Variants in EFTUD2 observed in about 807,000 individuals in gnomAD.
EFTUD2 encodes the protein elongation factor Tu GTP binding domain containing 2.
A neutral mutation model predicts 114.3 loss-of-function variants in EFTUD2; 9 were observed. The observed-to-expected ratio is 0.08, with a 90% confidence interval of 0.05 to 0.14. The LOEUF (loss-of-function observed/expected upper bound fraction) is 0.14, where lower values mean the gene tolerates loss of function less well. Ranked by LOEUF, EFTUD2 falls within the 10% of genes least tolerant of loss-of-function variation. The pLI, the probability that EFTUD2 is intolerant of heterozygous loss-of-function variation, is 1.00. For missense variants in EFTUD2, 765 were observed against 1,241.2 expected (o/e 0.62, Z 5.76); for synonymous variants, 449 against 462.3 (o/e 0.97, Z 0.37).
intron 1 of EFTUD2, among the ~76,000 whole-genome samples, chr17:44,895,423 G>C (rs933318455): frequency 6.6e-5 from 10 of 151,868 alleles, no homozygotes; most frequent in South Asian, 2.1e-4. Context: ...TTGAACCCAG[G>C]GGGTGGAGGT....
chr17:44,895,467 G>A (rs1200403068), intron 1 of EFTUD2, among the ~76,000 whole-genome samples: 1 of 143,768 alleles, frequency 7.0e-6, no homozygotes, highest in Non-Finnish European at 1.5e-5. Context: ...CTGCACTCCA[G>A]CCTGGGAGAC....
chr17:44,872,602 A>G, intron 10 of EFTUD2, 32 bp from the exon 11 acceptor site: 1 of 1,572,212 alleles, frequency 6.4e-7, no homozygotes. Context: ...ACACAGTGCC[A>G]GGCTGCAGCA....
intron 7 of EFTUD2, 87 bp downstream of exon 7, chr17:44,881,600 A>G: frequency 7.1e-7 from 1 of 1,398,812 alleles, no homozygotes; most frequent in African/African-American, 1.4e-5. Context: ...CTAAAATGCT[A>G]TCATAAAGGC....
intron 16 of EFTUD2, among the ~76,000 whole-genome samples, chr17:44,861,211 T>G (rs1193980672): frequency 6.7e-6 from 1 of 150,344 alleles, no homozygotes. Flanking sequence ...GAGGCTGAGG[T>G]GGGTGGCTGG....
intron 16 of EFTUD2, among the ~76,000 whole-genome samples, chr17:44,860,952 A>G (rs1251705983): frequency 1.3e-5 from 2 of 152,194 alleles, no homozygotes; most frequent in Non-Finnish European, 2.9e-5. Context: ...AGGGGTGAGC[A>G]AAACAGATAC....
At chr17:44,894,319 G>A in intron 2 of EFTUD2, 98 bp downstream of exon 2, 1 of 994,832 alleles carries the variant, frequency 1.0e-6, no homozygotes, top group Non-Finnish European at 1.6e-6. Flanking sequence ...GCAGTGAGCT[G>A]AGATTGCGCC....
At chr17:44,858,947 AAGG>A (rs1483457545) in intron 19 of EFTUD2, 130 bp downstream of exon 19, 11 of 676,244 alleles carry the variant, frequency 1.6e-5, no homozygotes, top group Non-Finnish European at 2.9e-5. Flanking sequence ...CTTCCCATAT[AAGG>A]AGCAACAGAT....
intron 20 of EFTUD2, among the ~76,000 whole-genome samples, chr17:44,856,457 G>A (rs541222024): frequency 2.6e-5 from 4 of 151,394 alleles, no homozygotes; most frequent in Non-Finnish European, 4.4e-5. Flanking sequence ...TTGAACCTGG[G>A]AGGCAGGGGC....
intron 16 of EFTUD2, 26 bp from the exon 17 acceptor site, chr17:44,860,569 G>T: frequency 7.6e-6 from 10 of 1,319,506 alleles, no homozygotes; most frequent in Non-Finnish European, 1.1e-5. Context: ...ATAAGCAGCA[G>T]TGAAACTTAG....
Position 44,854,247 on chromosome 17 carries a change from G to C in EFTUD2, c.2347+22C>G. ...TGCAAGGACCCTCGAGGACTGGGGT[G>C]GGGGAGTGCTGGTGGACTTACATTC... On this transcript the variant is annotated intron_variant, in intron 23 of 27. Transcript: ENST00000426333. This position sits in a 1 kb window ranked among gnomAD's most constrained non-coding sequence, Gnocchi z 4.3. 1 of 1,603,388 alleles carries C rather than the reference G, an allele frequency of 6.2e-7. No homozygotes were observed. Among genetic ancestry groups the C allele is most frequent in the Non-Finnish European group, 8.5e-7 (1 of 1,173,852 alleles).
rs575620215 is a variant in EFTUD2 at position 44,870,036 on chromosome 17, C to A, written c.995-1686G>T. 2.6e-5 allele frequency among the ~76,000 whole-genome samples: 4 copies of A among 152,328 alleles called. No individual in the cohort carries two copies. The South Asian group carries it at 8.3e-4, about 32-fold the overall frequency. On this transcript the variant is annotated intron_variant, in intron 11 of 27. Transcript: ENST00000426333. ...TATTAGTAATTTCTGTGACCATGGG[C>A]ATAGTTTCCCCTCATGTAAAATGAA... is the stretch of plus-strand genomic sequence containing the variant.
chr17:44,889,755 A>T (rs896676485), intron 2 of EFTUD2, among the ~76,000 whole-genome samples: 3 of 152,138 alleles, frequency 2.0e-5, no homozygotes, highest in African/African-American at 7.2e-5. Flanking sequence ...CTCTACTTCT[A>T]CTAAAGTGGC....
At chr17:44,896,654 A>G (rs1028152319) in intron 1 of EFTUD2, among the ~76,000 whole-genome samples, 3 of 152,194 alleles carry the variant, frequency 2.0e-5, no homozygotes, top group African/African-American at 7.2e-5. Context: ...CTCGAAAAAA[A>G]TAAACAAAAT....
At chr17:44,877,340 G>A (rs1014347133) in intron 9 of EFTUD2, among the ~76,000 whole-genome samples, 3 of 152,206 alleles carry the variant, frequency 2.0e-5, no homozygotes, top group Non-Finnish European at 4.4e-5. Context: ...AAAAGATGAT[G>A]GAATCAGCCT....
At chr17:44,885,430 T>C (rs1438438020) in intron 3 of EFTUD2, 96 bp from the exon 4 acceptor site, 1 of 835,278 alleles carries the variant, frequency 1.2e-6, no homozygotes. Flanking sequence ...GAATGTATGA[T>C]GTATGACATC....
At chr17:44,857,841 T>C (rs575047143) in intron 19 of EFTUD2, among the ~76,000 whole-genome samples, 1 of 152,268 alleles carries the variant, frequency 6.6e-6, no homozygotes, top group East Asian at 1.9e-4. Flanking sequence ...ACCCATGGGT[T>C]AATTGTTTAA....
At chr17:44,894,641 C>G in intron 1 of EFTUD2, 116 bp from the exon 2 acceptor site, 1 of 728,200 alleles carries the variant, frequency 1.4e-6, no homozygotes, top group Non-Finnish European at 2.4e-6. Flanking sequence ...CACATGCCTC[C>G]TCTCCAGTGA....
chr17:44,862,624 C>T, intron 16 of EFTUD2, 89 bp downstream of exon 16: 1 of 1,310,576 alleles, frequency 7.6e-7, no homozygotes, highest in Non-Finnish European at 1.0e-6. Context: ...CTTGCAACTA[C>T]TTCCAAGGAG....
intron 19 of EFTUD2, among the ~76,000 whole-genome samples, chr17:44,857,920 C>CTTTTTTTTTTTT (rs528299306): frequency 4.7e-5 from 6 of 127,518 alleles, no homozygotes; most frequent in African/African-American, 9.2e-5. Context: ...TTTCTTTTTC[C>CTTTTTTTTTTTT]TTTTTTTTTT....
Sources: gnomAD v4.1 joint callset for allele counts (sites outside exome capture counted in the v4.1 genomes callset) on GRCh38, gnomAD v4.1.1 for gene constraint, Gnocchi (gnomAD v3.1) non-coding constraint, MANE v1.5 for transcripts, NCBI Gene and HGNC (gene_info 2026-07-23, HGNC 2026-07-21) for gene names.